The following ADAMTS6 variants were observed in gnomAD, a reference collection of about 807,000 sequenced individuals.
ADAMTS6 encodes ADAM metallopeptidase with thrombospondin type 1 motif 6, also known as A disintegrin and metalloproteinase with thrombospondin motifs 6.
ADAMTS6 carries 23 observed loss-of-function variants against 144.3 expected under a neutral mutation model. That is an observed-to-expected ratio of 0.16 (90% CI 0.11 to 0.23). The LOEUF (loss-of-function observed/expected upper bound fraction) is 0.23, where lower values mean the gene tolerates loss of function less well. Ranked by LOEUF, ADAMTS6 falls within the 10% of genes least tolerant of loss-of-function variation. The probability of loss-of-function intolerance (pLI) is 1.00; values close to 1 mark genes in which losing one functional copy is unlikely to be tolerated. For missense variants in ADAMTS6, 999 were observed against 1,379.6 expected (o/e 0.72, Z 4.37); for synonymous variants, 444 against 457.5 (o/e 0.97, Z 0.38).
chr5:65,293,125 T>C (rs1456389345), intron 10 of ADAMTS6, among the ~76,000 whole-genome samples: 1 of 152,088 alleles, frequency 6.6e-6, no homozygotes, highest in Non-Finnish European at 1.5e-5. Flanking sequence ...CATATTTGAA[T>C]AGTACAATGG....
At chr5:65,447,100 T>C (rs538595569) in intron 7 of ADAMTS6, among the ~76,000 whole-genome samples, 46 of 152,238 alleles carry the variant, frequency 3.0e-4, no homozygotes, top group Non-Finnish European at 4.4e-4. Flanking sequence ...AGCCAAGAAA[T>C]ATATGCATTA....
chr5:65,160,209 C>G (rs990811836), intron 24 of ADAMTS6, among the ~76,000 whole-genome samples: 1 of 152,060 alleles, frequency 6.6e-6, no homozygotes, highest in Non-Finnish European at 1.5e-5. Context: ...TAGCCTCGTA[C>G]TATGAGTCAT....
chr5:65,475,559 G>A (rs1322162390), intron 1 of ADAMTS6, among the ~76,000 whole-genome samples: 3 of 152,172 alleles, frequency 2.0e-5, no homozygotes, highest in Non-Finnish European at 4.4e-5. Flanking sequence ...TCAGATGAGG[G>A]AGATGACTTC....
intron 9 of ADAMTS6, among the ~76,000 whole-genome samples, chr5:65,301,600 T>C (rs1743378303): frequency 6.6e-6 from 1 of 152,260 alleles, no homozygotes; most frequent in East Asian, 1.9e-4. Context: ...AGTAACTCCA[T>C]GGTGGAGATC....
chr5:65,382,619 T>G (rs894850950), intron 7 of ADAMTS6, among the ~76,000 whole-genome samples: 5 of 152,246 alleles, frequency 3.3e-5, no homozygotes, highest in African/African-American at 1.2e-4. Context: ...TTATTGATCT[T>G]CAACCTCATT....
At chr5:65,196,556 G>GAAAAAAA (rs1755391481) in intron 21 of ADAMTS6, among the ~76,000 whole-genome samples, 1 of 106,122 alleles carries the variant, frequency 9.4e-6, no homozygotes, top group Non-Finnish European at 2.0e-5. Context: ...AAAAAAAGAG[G>GAAAAAAA]TCTTTAGATC....
intron 18 of ADAMTS6, among the ~76,000 whole-genome samples, chr5:65,216,782 TAC>T (rs10584577): frequency 0.052 from 7,648 of 148,486 alleles, 404 homozygotes; most frequent in African/African-American, 0.14. Context: ...TTACAAGAAA[TAC>T]ACACACACAC....
intron 3 of ADAMTS6, among the ~76,000 whole-genome samples, chr5:65,461,439 T>C (rs1355649925): frequency 6.6e-6 from 1 of 152,172 alleles, no homozygotes. Context: ...AAATAGAACT[T>C]TGTTGATGAA....
chr5:65,435,353 G>C (rs142277531), intron 7 of ADAMTS6, among the ~76,000 whole-genome samples: 67 of 152,186 alleles, frequency 4.4e-4, no homozygotes, highest in African/African-American at 1.5e-3. Flanking sequence ...TCAACTTTAT[G>C]AGTAATTTTT....
At chr5:65,280,723 C>T (rs1124129) in intron 11 of ADAMTS6, among the ~76,000 whole-genome samples, 92,811 of 152,042 alleles carry the variant, frequency 0.61, 30,208 homozygotes, top group African/African-American at 0.86. Context: ...ATCTAGCATT[C>T]TTGTTTTCAT....
In ADAMTS6 at chr5:65,334,020, AAAAAAAC is replaced by A; in HGVS notation, c.1117+15_1117+21del. The stretch of plus-strand genomic sequence containing the variant: ...ATTAAAAAAAAAAAAAAAAAAAAAA[AAAAAAAC>A]CAAAAAAAACTTACCCAGTGTTCCA... On this transcript the variant is annotated intron_variant, in intron 8 of 24. Coordinates refer to ENST00000381055, the MANE Select transcript of ADAMTS6 (RefSeq NM_197941.4). 6 of 1,374,380 alleles carry A rather than the reference AAAAAAAC, an allele frequency of 4.4e-6. No individual in the cohort carries two copies. The highest frequency in any genetic ancestry group is 5.6e-5 in the East Asian group (2 of 35,590). 85.1% of individuals were successfully genotyped at this position (1,374,380 alleles called of 1,614,324 possible). A position where few individuals can be genotyped will look rare whatever the true frequency, so the allele number is the denominator to read the frequency against.
chr5:65,260,857 TTTA>T (rs1323473049), intron 13 of ADAMTS6, among the ~76,000 whole-genome samples, 194 bp from the exon 14 acceptor site: 15 of 152,092 alleles, frequency 9.9e-5, no homozygotes, highest in Non-Finnish European at 2.2e-4. Flanking sequence ...ATTAAGGCAG[TTTA>T]TTATTAATTT....
chr5:65,355,737 A>C (rs374118280), intron 7 of ADAMTS6, among the ~76,000 whole-genome samples: 2 of 151,948 alleles, frequency 1.3e-5, no homozygotes, highest in Middle Eastern at 3.4e-3. Flanking sequence ...TCGAGAGCTA[A>C]AGCTATTTTA....
intron 7 of ADAMTS6, among the ~76,000 whole-genome samples, chr5:65,371,935 T>TCTA (rs1387442167): frequency 1.3e-5 from 2 of 152,014 alleles, no homozygotes; most frequent in African/African-American, 2.4e-5. Flanking sequence ...CGGCAGAAAC[T>TCTA]CTACAAGCCA....
intron 12 of ADAMTS6, among the ~76,000 whole-genome samples, chr5:65,264,755 A>T (rs1477211595): frequency 3.9e-5 from 6 of 152,146 alleles, no homozygotes; most frequent in Non-Finnish European, 8.8e-5. Flanking sequence ...GCAGATGCAG[A>T]ACATTTGCAT....
chr5:65,372,829 T>G (rs1221811606), intron 7 of ADAMTS6, among the ~76,000 whole-genome samples: 2 of 152,276 alleles, frequency 1.3e-5, no homozygotes, highest in South Asian at 4.1e-4. Context: ...ACACCACACC[T>G]ATTCCAAAAT....
chr5:65,227,793 T>C (rs1203765973), intron 15 of ADAMTS6, among the ~76,000 whole-genome samples: 2 of 152,198 alleles, frequency 1.3e-5, no homozygotes, highest in South Asian at 2.1e-4. Context: ...TAATTTTTTT[T>C]TCCATCTAAA....
At chr5:65,357,188 T>C (rs1426793570) in intron 7 of ADAMTS6, among the ~76,000 whole-genome samples, 1 of 151,606 alleles carries the variant, frequency 6.6e-6, no homozygotes, top group Non-Finnish European at 1.5e-5. Context: ...TATGTGGAAA[T>C]TAAACAACAC....
rs532611967 is a variant in ADAMTS6, at chr5:65,392,573, C to T, written c.1074-58488G>A. Among the ~76,000 whole-genome samples, 17 of 152,298 alleles carry T rather than the reference C, an allele frequency of 1.1e-4. No homozygotes were observed. The South Asian group carries it at 2.5e-3, about 22-fold the overall frequency. On this transcript the variant is annotated intron_variant, in intron 7 of 24. Coordinates refer to ENST00000381055, the MANE Select transcript of ADAMTS6 (RefSeq NM_197941.4). ...GGTCTCAAGTTCGCCAGTGGGAATG[C>T]CTCCAGTAGGATCCCTGTGTTCTTG...
Sources: gnomAD v4.1 joint callset for allele counts (sites outside exome capture counted in the v4.1 genomes callset) on GRCh38, gnomAD v4.1.1 for gene constraint, MANE v1.5 for transcripts, NCBI Gene and HGNC (gene_info 2026-07-23, HGNC 2026-07-21) for gene names.